The following CLIP2 variants were observed in gnomAD, a reference collection of about 807,000 sequenced individuals.
The protein encoded by CLIP2 is CAP-Gly domain containing linker protein 2, also known as CAP-Gly domain-containing linker protein 2.
A neutral mutation model predicts 111.7 loss-of-function variants in CLIP2; 41 were observed. That is an observed-to-expected ratio of 0.37 (90% CI 0.29 to 0.48). The LOEUF (loss-of-function observed/expected upper bound fraction) is 0.48. CLIP2 is among the 20% of genes least tolerant of loss of function. CLIP2 has a pLI of 0.99. For missense variants in CLIP2, 1,160 were observed against 1,422.1 expected (o/e 0.82, Z 2.96); for synonymous variants, 660 against 644.2 (o/e 1.02, Z -0.37).
At position 74,400,483 on chromosome 7, in the gene CLIP2, G is replaced by A; in HGVS notation, c.2994G>A (p.Arg998=). The A allele has an allele frequency of 1.9e-6, 3 of 1,613,806 alleles. No individual in the cohort carries two copies. The highest frequency in any genetic ancestry group is 2.5e-6 in the Non-Finnish European group (3 of 1,179,852). The change falls in exon 15 of 17, where the codon CGG becomes CGA. Residue 998 remains arginine, a synonymous_variant. Transcript: ENST00000223398. ...HQLMSTEDAL[R]DALDQAQQVE... is the part of the protein sequence containing the mutation. ...TGATGAGCACGGAGGACGCCCTGCG[G>A]GATGCGCTGGACCAGGCTCAGCAGG...
chr7:74,300,443 G>C (rs964045593), intron 1 of CLIP2, among the ~76,000 whole-genome samples: 2 of 148,718 alleles, frequency 1.3e-5, no homozygotes, highest in Non-Finnish European at 3.0e-5. Context: ...TGCTGAAAAA[G>C]ACATGATTTC....
chr7:74,335,555 T>C (rs1439130824), intron 2 of CLIP2, among the ~76,000 whole-genome samples: 6 of 135,640 alleles, frequency 4.4e-5, no homozygotes, highest in African/African-American at 1.7e-4. Context: ...GTGCAGGCTG[T>C]TCTTGAACTC....
At chr7:74,402,592 T>A (rs1554317914) in intron 16 of CLIP2, among the ~76,000 whole-genome samples, 1 of 152,070 alleles carries the variant, frequency 6.6e-6, no homozygotes, top group East Asian at 1.9e-4. Flanking sequence ...CTCAGGAGGC[T>A]AAGGCAAGAG....
Position 74,376,015 on chromosome 7 carries a change from C to G in CLIP2, c.1614C>G (p.Asp538Glu). 1 of 1,612,730 alleles carries G rather than the reference C, an allele frequency of 6.2e-7. No homozygotes were observed. The highest frequency in any genetic ancestry group is 1.7e-4 in the Middle Eastern group (1 of 6,056). Residue 538 changes from aspartate to glutamate, a missense_variant, in exon 10 of 17, where the codon GAC becomes GAG. Around this residue, in one of 5 missense-constraint regions of CLIP2, gnomAD observed 676 missense variants for 777.8 expected, o/e 0.87. Coordinates refer to ENST00000223398, the MANE Select transcript of CLIP2 (RefSeq NM_003388.5). The surrounding 1 kb of genome is among the most constrained non-coding windows in gnomAD (Gnocchi z 7.1). ...GTCCCCCACCTCCGGACCACCCAGA[C>G]GCCGCCGAGATCCTGCGGCTACGGG... The part of the protein sequence containing the change: ...HSGPPPPDHP[D>E]AAEILRLRER...
rs1554312223 is a variant in CLIP2 at position 74,372,974 on chromosome 7, CAG to C, written c.1426_1427del (p.Ser476ProfsTer42). 6.4e-7 allele frequency: 1 copy of C among 1,554,168 alleles called. No homozygotes were observed. Among genetic ancestry groups the C allele is most frequent in the Non-Finnish European group, 8.7e-7 (1 of 1,149,198 alleles). ...GCACGCGCGCATTGGGGAGCTGGAA[CAG>C]AGCCTGCTACTGGAGAAGGCGCAGG... ...LEHARIGELE[Q>X]SLLLEKAQAE... is the part of the protein sequence containing the mutation. On this transcript the variant is annotated frameshift_variant, in exon 9 of 17. Coordinates refer to ENST00000223398, the MANE Select transcript of CLIP2 (RefSeq NM_003388.5). LOFTEE classifies it high-confidence loss of function.
intron 8 of CLIP2, among the ~76,000 whole-genome samples, chr7:74,369,579 G>A (rs1424017785): frequency 6.6e-6 from 1 of 151,668 alleles, no homozygotes; most frequent in Non-Finnish European, 1.5e-5. Context: ...AAATATGGCT[G>A]GGTGCGGTGG....
chr7:74,343,476 C>T (rs1292226378), intron 3 of CLIP2, among the ~76,000 whole-genome samples: 2 of 152,114 alleles, frequency 1.3e-5, no homozygotes, highest in African/African-American at 2.4e-5. Context: ...GGGCAAGTCA[C>T]TTACAGAGCC....
At chr7:74,370,738 G>A (rs183312978) in intron 8 of CLIP2, among the ~76,000 whole-genome samples, 2 of 151,902 alleles carry the variant, frequency 1.3e-5, no homozygotes, top group Admixed American at 6.6e-5. Flanking sequence ...CTAGTTCCCC[G>A]GCCTGAAACA....
intron 2 of CLIP2, among the ~76,000 whole-genome samples, chr7:74,337,503 C>G (rs1471414677): frequency 2.0e-5 from 3 of 151,858 alleles, no homozygotes; most frequent in African/African-American, 7.3e-5. Context: ...CTGAGCCCAC[C>G]TGGTGGGGGG....
rs138221844 is a variant in CLIP2, at chr7:74,329,550, A to ATTGT, written c.122-8871_122-8868dup. Among the ~76,000 whole-genome samples, 925 of 151,928 alleles carry ATTGT rather than the reference A, an allele frequency of 6.1e-3. 3 individuals are homozygous for ATTGT. The highest frequency in any genetic ancestry group is 9.6e-3 in the Non-Finnish European group (652 of 67,980). ...AAGCTTCTTTGAACTTGGAGGTTAA[A>ATTGT]TTGTTTGTTTGTTTGTTTGTTTGTT... On this transcript the variant is annotated intron_variant, in intron 2 of 16. Transcript: ENST00000223398.
chr7:74,388,869 T>C (rs1027019300), intron 12 of CLIP2: 20 of 403,622 alleles, frequency 5.0e-5, no homozygotes, highest in Non-Finnish European at 7.4e-5. Context: ...GGCAGGAGGA[T>C]TGCTTGAGCT....
At chr7:74,343,831 G>T (rs1554305818) in intron 3 of CLIP2, among the ~76,000 whole-genome samples, 1 of 151,978 alleles carries the variant, frequency 6.6e-6, no homozygotes, top group East Asian at 1.9e-4. Flanking sequence ...TGAGCTCAGG[G>T]GGTCAAGGCT....
intron 13 of CLIP2, among the ~76,000 whole-genome samples, chr7:74,394,245 A>ATTTTTTTT (rs56651501): frequency 8.5e-6 from 1 of 117,406 alleles, no homozygotes; most frequent in Non-Finnish European, 1.8e-5. Context: ...TTTTCTTCTT[A>ATTTTTTTT]TTTTTTTTTT....
chr7:74,341,895 A>T (rs1789666389), intron 3 of CLIP2, among the ~76,000 whole-genome samples: 1 of 152,176 alleles, frequency 6.6e-6, no homozygotes, highest in Admixed American at 6.6e-5. Flanking sequence ...GATCGCAGAC[A>T]TCAGTGTCTC....
chr7:74,324,684 A>C (rs931805402), intron 2 of CLIP2, among the ~76,000 whole-genome samples: 32 of 152,062 alleles, frequency 2.1e-4, no homozygotes, highest in Non-Finnish European at 7.4e-5. Context: ...CTGCCTTTGC[A>C]GGGCAGAACT....
At chr7:74,364,206 C>CG in intron 7 of CLIP2, 49 bp from the exon 8 acceptor site, 1 of 1,559,200 alleles carries the variant, frequency 6.4e-7, no homozygotes, top group Non-Finnish European at 8.8e-7. Flanking sequence ...CGGTGAATCC[C>CG]GTTGCTCTGG....
Position 74,291,603 on chromosome 7 carries a change from C to T in CLIP2, c.-68+1869C>T, listed in dbSNP as rs373772534. Among the ~76,000 whole-genome samples, 51 of 152,306 alleles carry T rather than the reference C, an allele frequency of 3.3e-4. 1 individual carries two copies. Among genetic ancestry groups the T allele is most frequent in the African/African-American group, 1.2e-3 (50 of 41,570 alleles). Reference sequence around the variant, plus strand: ...GTGTGCCCTGTGACAGAGTAGATGTCCTATAAGTGTTGTTGCTGCCGTACA... The same window carrying T: ...GTGTGCCCTGTGACAGAGTAGATGTTCTATAAGTGTTGTTGCTGCCGTACA... On this transcript the variant is annotated intron_variant, in intron 1 of 16. Coordinates refer to ENST00000223398, the MANE Select transcript of CLIP2 (RefSeq NM_003388.5).
At chr7:74,403,695 C>T in intron 16 of CLIP2, 142 bp from the exon 17 acceptor site, 1 of 834,488 alleles carries the variant, frequency 1.2e-6, no homozygotes, top group Non-Finnish European at 2.1e-6. Context: ...ACACTTCCTG[C>T]CTCAGGGCCT....
chr7:74,353,698 G>A (rs1554307965), intron 3 of CLIP2, among the ~76,000 whole-genome samples, 182 bp from the exon 4 acceptor site: 1 of 152,166 alleles, frequency 6.6e-6, no homozygotes, highest in African/African-American at 2.4e-5. Flanking sequence ...TCAGCCCTGG[G>A]AGGCACTGGT....
Sources: gnomAD v4.1 joint callset for allele counts (sites outside exome capture counted in the v4.1 genomes callset) on GRCh38, gnomAD v4.1.1 for gene constraint, gnomAD v4.1.1 regional missense constraint, Gnocchi (gnomAD v3.1) non-coding constraint, MANE v1.5 for transcripts, NCBI Gene and HGNC (gene_info 2026-07-23, HGNC 2026-07-21) for gene names.